Variants in UBL3 observed in about 807,000 individuals in gnomAD.
UBL3 encodes ubiquitin-like protein 3.
A neutral mutation model predicts 18.4 loss-of-function variants in UBL3; 6 were observed. The observed-to-expected ratio is 0.33, with a 90% CI of 0.18 to 0.64. The LOEUF (loss-of-function observed/expected upper bound fraction) is 0.64, where lower values mean the gene tolerates loss of function less well. UBL3 is among the 30% of genes least tolerant of loss of function. UBL3 has a pLI of 0.76. For synonymous variants in UBL3, 49 were observed against 46.6 expected (o/e 1.05, Z -0.21); for missense variants, 109 against 142.9 (o/e 0.76, Z 1.21).
intron 1 of UBL3, among the ~76,000 whole-genome samples, chr13:29,839,420 G>C (rs906781783): frequency 1.3e-5 from 2 of 152,128 alleles, no homozygotes; most frequent in African/African-American, 4.8e-5. Context: ...CAACAAACTT[G>C]TAAGATCCAT....
At chr13:29,794,300 C>T (rs1233473710) in intron 1 of UBL3, among the ~76,000 whole-genome samples, 2 of 152,050 alleles carry the variant, frequency 1.3e-5, no homozygotes, top group Non-Finnish European at 2.9e-5. Context: ...TACTTTCTCA[C>T]TTTTCTTCAA....
At chr13:29,783,806 C>T (rs4238128) in intron 1 of UBL3, among the ~76,000 whole-genome samples, 94,180 of 151,794 alleles carry the variant, frequency 0.62, 29,419 homozygotes, top group Non-Finnish European at 0.67. Flanking sequence ...ATCCTTGACA[C>T]ATCAATAATG....
chr13:29,783,682 A>G (rs1877236280), intron 1 of UBL3, among the ~76,000 whole-genome samples: 1 of 152,206 alleles, frequency 6.6e-6, no homozygotes. Context: ...CCTTTAAAAT[A>G]TTAAGTACTT....
chr13:29,803,203 C>A (rs1026307160), intron 1 of UBL3, among the ~76,000 whole-genome samples: 1 of 152,076 alleles, frequency 6.6e-6, no homozygotes, highest in South Asian at 2.1e-4. Context: ...TTTAGATAGG[C>A]AAATGCTAAG....
chr13:29,785,469 TGATC>T (rs1186452418), intron 1 of UBL3, among the ~76,000 whole-genome samples: 1 of 152,204 alleles, frequency 6.6e-6, no homozygotes, highest in East Asian at 1.9e-4. Context: ...AACAGCTACT[TGATC>T]TAGAAGATAT....
chr13:29,823,912 G>C (rs1878547194), intron 1 of UBL3, among the ~76,000 whole-genome samples: 1 of 138,140 alleles, frequency 7.2e-6, no homozygotes, highest in South Asian at 2.3e-4. Flanking sequence ...CTGTGTTCAA[G>C]TGTTCTCATT....
chr13:29,835,645 C>A (rs1224205506), intron 1 of UBL3, among the ~76,000 whole-genome samples: 6 of 149,202 alleles, frequency 4.0e-5, no homozygotes, highest in African/African-American at 1.5e-4. Flanking sequence ...GTCCCATCTA[C>A]TCGGGAGGCT....
intron 1 of UBL3, among the ~76,000 whole-genome samples, chr13:29,832,495 G>C (rs1419634204): frequency 6.6e-6 from 1 of 152,042 alleles, no homozygotes; most frequent in African/African-American, 2.4e-5. Context: ...ACCGCGCCCG[G>C]CTAATTTTTT....
chr13:29,849,432 G>A (rs1392979956), intron 1 of UBL3, 80 bp downstream of exon 1: 10 of 1,596,150 alleles, frequency 6.3e-6, no homozygotes, highest in Middle Eastern at 1.7e-4. Context: ...GCAAATCTTC[G>A]CCCCACGCCT....
intron 1 of UBL3, among the ~76,000 whole-genome samples, chr13:29,779,055 T>C (rs1001842482): frequency 6.6e-6 from 1 of 152,224 alleles, no homozygotes; most frequent in African/African-American, 2.4e-5. Flanking sequence ...TCTGATAACA[T>C]GTTGCTGTAA....
intron 1 of UBL3, among the ~76,000 whole-genome samples, chr13:29,802,203 T>C (rs1055367294): frequency 1.3e-5 from 2 of 152,204 alleles, no homozygotes; most frequent in African/African-American, 4.8e-5. Context: ...ACTTTGCTAA[T>C]ACACCCTGCT....
At chr13:29,768,170 C>T (rs915080926) in intron 3 of UBL3, among the ~76,000 whole-genome samples, 2 of 152,016 alleles carry the variant, frequency 1.3e-5, no homozygotes, top group African/African-American at 2.4e-5. Context: ...TATTCTCACC[C>T]TGTATTCGTC....
intron 1 of UBL3, among the ~76,000 whole-genome samples, chr13:29,808,308 C>T (rs1877947943): frequency 6.6e-6 from 1 of 150,426 alleles, no homozygotes; most frequent in Non-Finnish European, 1.5e-5. Flanking sequence ...CATATATGAC[C>T]ATTTAATAAA....
chr13:29,820,105 C>T (rs1014805502), intron 1 of UBL3, among the ~76,000 whole-genome samples: 1 of 150,274 alleles, frequency 6.7e-6, no homozygotes. Flanking sequence ...TAGTAGTATG[C>T]GAGTGACCCT....
intron 1 of UBL3, among the ~76,000 whole-genome samples, chr13:29,821,225 T>A (rs1184145373): frequency 6.6e-6 from 1 of 152,174 alleles, no homozygotes; most frequent in Non-Finnish European, 1.5e-5. Flanking sequence ...GACTATGAAA[T>A]CTGAGCAGTG....
At chr13:29,803,582 G>C (rs1185985836) in intron 1 of UBL3, among the ~76,000 whole-genome samples, 1 of 151,088 alleles carries the variant, frequency 6.6e-6, no homozygotes, top group African/African-American at 2.4e-5. Flanking sequence ...GTAAGGGATG[G>C]AGAAAAATCT....
chr13:29,839,644 T>C (rs1879044209), intron 1 of UBL3, among the ~76,000 whole-genome samples: 1 of 152,014 alleles, frequency 6.6e-6, no homozygotes, highest in African/African-American at 2.4e-5. Flanking sequence ...TTTTAAAAAA[T>C]AGGCCGGGCG....
At chr13:29,819,489 C>G (rs1878370629) in intron 1 of UBL3, among the ~76,000 whole-genome samples, 1 of 152,070 alleles carries the variant, frequency 6.6e-6, no homozygotes, top group African/African-American at 2.4e-5. Flanking sequence ...AATGGTACTT[C>G]TACAAAGCTG....
chr13:29,841,371 A>C (rs1279373491), intron 1 of UBL3, among the ~76,000 whole-genome samples: 1 of 152,214 alleles, frequency 6.6e-6, no homozygotes, highest in Non-Finnish European at 1.5e-5. Flanking sequence ...TCTATTTGTT[A>C]CATATATATA....
Sources: allele counts gnomAD v4.1 joint callset (sites outside exome capture counted in the v4.1 genomes callset), GRCh38; gene constraint gnomAD v4.1.1; transcripts MANE v1.5; gene names NCBI Gene and HGNC (gene_info 2026-07-23, HGNC 2026-07-21).